Variants in CHGA observed in about 807,000 individuals in gnomAD.
CHGA encodes the protein chromogranin-A.
CHGA carries 41 observed loss-of-function variants against 54.4 expected under a neutral mutation model. The observed-to-expected ratio is 0.75, with a 90% CI of 0.59 to 0.98. The LOEUF (loss-of-function observed/expected upper bound fraction) is 0.98. CHGA is among the 50% of genes least tolerant of loss of function. The pLI is 0.00. For synonymous variants in CHGA, 249 were observed against 232.8 expected (o/e 1.07, Z -0.63); for missense variants, 576 against 582.3 (o/e 0.99, Z 0.11).
chr14:92,925,918 A>G lies in CHGA; in HGVS notation c.94-687A>G, dbSNP rs138745400. On this transcript the variant is annotated intron_variant, in intron 2 of 7. Coordinates refer to ENST00000216492, the MANE Select transcript of CHGA (RefSeq NM_001275.4). Reference sequence around the variant, plus strand: ...AAGATCACTCATTTATCAGATGCCTAATTATCCACAGCACCTTTGCAGGCA... The same window carrying G: ...AAGATCACTCATTTATCAGATGCCTGATTATCCACAGCACCTTTGCAGGCA... Among the ~76,000 whole-genome samples, 13 of 152,282 alleles carry G rather than the reference A, an allele frequency of 8.5e-5. No individual in the cohort carries two copies. The East Asian group carries it at 2.3e-3, about 27-fold the overall frequency.
rs9658666 is a variant in CHGA at position 92,932,704 on chromosome 14, C to G, written c.1143C>G (p.Tyr381Ter). The change falls in exon 7 of 8, where the codon TAC becomes TAG. Residue 381 changes from tyrosine to a stop codon, truncating the protein, a stop_gained. Coordinates refer to ENST00000216492, the MANE Select transcript of CHGA (RefSeq NM_001275.4). LOFTEE classifies it high-confidence loss of function. This position sits in a 1 kb window ranked among gnomAD's most constrained non-coding sequence, Gnocchi z 5.3. Reference sequence around the variant, plus strand: ...AGCTCTCCTTCCGGGCCCGGGCCTACGGCTTCAGGGGCCCTGGGCCGCAGC... The same window carrying G: ...AGCTCTCCTTCCGGGCCCGGGCCTAGGGCTTCAGGGGCCCTGGGCCGCAGC... ...SMKLSFRARA[Y>*]GFRGPGPQLR... 29 of 1,610,972 alleles carry G rather than the reference C, an allele frequency of 1.8e-5. No individual in the cohort carries two copies. The highest frequency in any genetic ancestry group is 2.5e-5 in the Non-Finnish European group (29 of 1,179,602).
chr14:92,923,410 G>C lies in CHGA; in HGVS notation c.46+5G>C, dbSNP rs1886824483. ...TTCTGCTCTGCGCCGGGCAAGGTGA[G>C]CGAGCGCGGGGAGCTCGCGGGAGAG... On this transcript the variant is annotated splice_donor_5th_base_variant and intron_variant, in intron 1 of 7. Transcript: ENST00000216492. The C allele has an allele frequency of 7.9e-7, 1 of 1,260,062 alleles. No individual in the cohort carries two copies. The highest frequency in any genetic ancestry group is 3.1e-5 in the East Asian group (1 of 31,812). The allele number at this position is 1,260,062 out of a possible 1,614,324, so 78.1% of individuals were successfully genotyped here.
intron 5 of CHGA, 97 bp downstream of exon 5, chr14:92,929,912 C>CA (rs1886962047): frequency 1.1e-6 from 1 of 874,240 alleles, no homozygotes; most frequent in African/African-American, 1.7e-5. Flanking sequence ...TCGGGAGCCC[C>CA]ACCCATAATC....
chr14:92,927,226 G>T (rs768305041), intron 3 of CHGA, among the ~76,000 whole-genome samples: 2 of 152,222 alleles, frequency 1.3e-5, no homozygotes, highest in South Asian at 2.1e-4. Flanking sequence ...GGTTGTCCAG[G>T]TGTGGTAGAC....
At chr14:92,934,342 A>G (rs1672415777) in intron 7 of CHGA, among the ~76,000 whole-genome samples, 1 of 152,190 alleles carries the variant, frequency 6.6e-6, no homozygotes, top group Admixed American at 6.5e-5. Flanking sequence ...CAGCTCCCCC[A>G]GCATGTAGCC....
In CHGA at chr14:92,931,387, G is replaced by C. The variant is rs769762955; in HGVS notation, c.493G>C (p.Gly165Arg). ...PEPMQESKAE[G>R]NNQAPGEEEE... ...GCCCATGCAGGAGTCCAAGGCTGAGGGGAACAATCAGGCCCCTGGGGAGGA... is the reference window on the plus strand; with the variant it reads ...GCCCATGCAGGAGTCCAAGGCTGAGCGGAACAATCAGGCCCCTGGGGAGGA... The change falls in exon 6 of 8, where the codon GGG (glycine) becomes CGG (arginine). Residue 165 changes from glycine to arginine, a missense_variant. Gly to Arg is a moderately radical substitution (Grantham distance 125). Transcript: ENST00000216492. The C allele has an allele frequency of 1.9e-6, 3 of 1,612,942 alleles. No homozygotes were observed. The highest frequency in any genetic ancestry group is 2.5e-6 in the Non-Finnish European group (3 of 1,179,786).
chr14:92,929,863 TG>T (rs765521220), intron 5 of CHGA, 48 bp downstream of exon 5: 2 of 1,479,408 alleles, frequency 1.4e-6, no homozygotes, highest in Non-Finnish European at 1.9e-6. Flanking sequence ...AGGGTGGCAG[TG>T]GGAACAGTGG....
At chr14:92,929,976 C>A (rs1886963022) in intron 5 of CHGA, among the ~76,000 whole-genome samples, 161 bp downstream of exon 5, 1 of 152,244 alleles carries the variant, frequency 6.6e-6, no homozygotes, top group South Asian at 2.1e-4. Flanking sequence ...GAGACTAGGT[C>A]CCTTGCCCAA....
rs950729240 is a variant in CHGA at position 92,923,161 on chromosome 14, T to C, written c.-199T>C. 2.7e-5 allele frequency: 10 copies of C among 374,638 alleles called. No individual in the cohort carries two copies. In the East Asian group the frequency reaches 4.4e-4, roughly 16 times the overall value. The allele number at this position is 374,638 out of a possible 1,614,324, so 23.2% of individuals were successfully genotyped here. A position where few individuals can be genotyped will look rare whatever the true frequency, so the allele number is the denominator to read the frequency against. ...AGGGCGCTGCTGCTGCCACCGCTCC[T>C]GCCACTGCAGTGCTCGAGCCCCGTG... On this transcript the variant is annotated 5_prime_UTR_variant, in exon 1 of 8. Coordinates refer to ENST00000216492, the MANE Select transcript of CHGA (RefSeq NM_001275.4).
intron 4 of CHGA, among the ~76,000 whole-genome samples, chr14:92,927,837 C>T (rs1312311600): frequency 6.6e-6 from 1 of 152,178 alleles, no homozygotes; most frequent in African/African-American, 2.4e-5. Context: ...CAAGGTCACA[C>T]AGTGAATAGA....
Position 92,927,638 on chromosome 14 carries a change from C to T in CHGA, c.256+20C>T, listed in dbSNP as rs201993357. On this transcript the variant is annotated intron_variant, in intron 4 of 7. Coordinates refer to ENST00000216492, the MANE Select transcript of CHGA (RefSeq NM_001275.4). ...TCCAAGGTATTTTCCAGCCACTGCACTTGACTCTGGGTAAATTCCAGTAAC... is the reference window on the plus strand; with the variant it reads ...TCCAAGGTATTTTCCAGCCACTGCATTTGACTCTGGGTAAATTCCAGTAAC... 6.2e-6 allele frequency: 10 copies of T among 1,601,888 alleles called. No homozygotes were observed. Among genetic ancestry groups the T allele is most frequent in the Admixed American group, 3.4e-5 (2 of 59,104 alleles).
In CHGA at chr14:92,932,493, T is replaced by C. The variant is rs1169354493; in HGVS notation, c.932T>C (p.Val311Ala). The change falls in exon 7 of 8, where the codon GTG (valine) becomes GCG (alanine). Residue 311 changes from valine (V) to alanine (A), a missense_variant. Transcript: ENST00000216492. The surrounding 1 kb of genome is among the most constrained non-coding windows in gnomAD (Gnocchi z 5.3). ...QQKEEEEEMA[V>A]VPQGLFRGGK... Reference sequence around the variant, plus strand: ...AAAGAGGAGGAGGAGGAGATGGCAGTGGTCCCGCAAGGCCTCTTCCGGGGT... The same window carrying C: ...AAAGAGGAGGAGGAGGAGATGGCAGCGGTCCCGCAAGGCCTCTTCCGGGGT... 2 of 1,554,500 alleles carry C rather than the reference T, an allele frequency of 1.3e-6. No individual in the cohort carries two copies. The highest frequency in any genetic ancestry group is 1.7e-6 in the Non-Finnish European group (2 of 1,149,064).
rs1236183493 is a variant in CHGA, at chr14:92,932,794, C to G, written c.1233C>G (p.Val411=). Residue 411 remains valine, a synonymous_variant, in exon 7 of 8, where the codon GTC becomes GTG. Transcript: ENST00000216492. This position sits in a 1 kb window ranked among gnomAD's most constrained non-coding sequence, Gnocchi z 5.3. ...DSLEAGLPLQ[V]RGYPEEKKEE... ...TTGAGGCGGGCCTGCCCCTCCAGGTCCGAGGCTACCCCGAGGAGAAGAAAG... is the reference window on the plus strand; with the variant it reads ...TTGAGGCGGGCCTGCCCCTCCAGGTGCGAGGCTACCCCGAGGAGAAGAAAG... The G allele has an allele frequency of 6.4e-7, 1 of 1,568,670 alleles. No individual in the cohort carries two copies. The highest frequency in any genetic ancestry group is 8.6e-7 in the Non-Finnish European group (1 of 1,156,640).
intron 7 of CHGA, 180 bp downstream of exon 7, chr14:92,933,031 C>A: frequency 1.1e-6 from 1 of 922,938 alleles, no homozygotes; most frequent in Non-Finnish European, 1.5e-6. Context: ...TCACAGGGGG[C>A]ACCCAGCAAA....
chr14:92,934,833 A>T lies in CHGA; in HGVS notation c.1323A>T (p.Glu441Asp), dbSNP rs941581. Residue 441 changes from glutamate (E) to aspartate (D), a missense_variant, in exon 8 of 8, where the codon GAA becomes GAT. Glu to Asp is a conservative substitution (Grantham distance 45). Transcript: ENST00000216492. ...DQELESLSAI[E>D]AELEKVAHQL... ...AGCTGGAGAGCCTGTCGGCCATTGA[A>T]GCAGAGCTGGAGAAAGTGGCCCACC... is the stretch of plus-strand genomic sequence containing the variant. The T allele has an allele frequency of 6.3e-7, 1 of 1,585,754 alleles. No homozygotes were observed. Among genetic ancestry groups the T allele is most frequent in the Non-Finnish European group, 8.6e-7 (1 of 1,167,128 alleles).
chr14:92,925,180 A>T (rs1051246962), intron 2 of CHGA, among the ~76,000 whole-genome samples: 2 of 152,184 alleles, frequency 1.3e-5, no homozygotes, highest in African/African-American at 4.8e-5. Context: ...GGAGGTGTAA[A>T]GAGTAGGAAT....
chr14:92,932,057 A>G lies in CHGA; in HGVS notation c.809-313A>G. 2.2e-6 allele frequency: 1 copy of G among 448,116 alleles called. No homozygotes were observed. The highest frequency in any genetic ancestry group is 3.7e-5 in the South Asian group (1 of 26,988). The allele number at this position is 448,116 out of a possible 1,614,324, so 27.8% of individuals were successfully genotyped here. The stretch of plus-strand genomic sequence containing the variant: ...GCAGGAGCGCACAGGCTGATCTGGG[A>G]ACAGTGTCAGCTTCAACTACGGTTT... On this transcript the variant is annotated intron_variant, in intron 6 of 7. Transcript: ENST00000216492. This position sits in a 1 kb window ranked among gnomAD's most constrained non-coding sequence, Gnocchi z 5.3.
At position 92,928,806 on chromosome 14, in the gene CHGA, G is replaced by A. The variant is rs561868044; in HGVS notation, c.257-911G>A. Among the ~76,000 whole-genome samples the A allele has an allele frequency of 2.0e-5, 3 of 152,178 alleles. No homozygotes were observed. The South Asian group carries it at 6.2e-4, about 32-fold the overall frequency. On this transcript the variant is annotated intron_variant, in intron 4 of 7. Transcript: ENST00000216492. ...TTAACAGATTCCTGGATGTATTTCT[G>A]TCCATCCGTCTATCCGTCCACTCCC...
In CHGA at chr14:92,927,537, T is replaced by G. The variant is rs1886910509; in HGVS notation, c.188-13T>G. The G allele has an allele frequency of 1.2e-6, 2 of 1,610,414 alleles. No homozygotes were observed. The highest frequency in any genetic ancestry group is 1.7e-6 in the Non-Finnish European group (2 of 1,177,648). ...CTCTGGAAACCACCCATGATGACTC[T>G]TCTTCATTGCAGATGAACGGATCCT... On this transcript the variant is annotated splice_polypyrimidine_tract_variant and intron_variant, in intron 3 of 7. Coordinates refer to ENST00000216492, the MANE Select transcript of CHGA (RefSeq NM_001275.4).
Sources: allele counts gnomAD v4.1 joint callset (sites outside exome capture counted in the v4.1 genomes callset), GRCh38; gene constraint gnomAD v4.1.1; non-coding constraint Gnocchi (gnomAD v3.1); transcripts MANE v1.5; gene names NCBI Gene and HGNC (gene_info 2026-07-23, HGNC 2026-07-21).